MYOM2: variants seen among roughly 807,000 people sequenced by gnomAD.
MYOM2 encodes the protein myomesin-2.
Under a neutral mutation model 187.6 loss-of-function variants are expected in MYOM2, and 254 were observed. The ratio of observed to expected loss-of-function variants is 1.35; its 90% confidence interval spans 1.22 to 1.50. MYOM2 has a LOEUF of 1.50. MYOM2 is among the 40% of genes most tolerant of loss of function. The pLI, the probability that MYOM2 is intolerant of heterozygous loss-of-function variation, is 0.00. For synonymous variants in MYOM2, 981 were observed against 753.8 expected (o/e 1.30, Z -4.94); for missense variants, 2,796 against 1,924.0 (o/e 1.45, Z -8.48).
chr8:2,087,898 AC>A (rs1796151249), intron 14 of MYOM2, among the ~76,000 whole-genome samples: 1 of 152,092 alleles, frequency 6.6e-6, no homozygotes, highest in Non-Finnish European at 1.5e-5. Flanking sequence ...GGGATTACAG[AC>A]ACTTTAGTGT....
In MYOM2 at chr8:2,094,061, T is replaced by A; in HGVS notation, c.2095T>A (p.Ser699Thr). 1 of 1,614,134 alleles carries A rather than the reference T, an allele frequency of 6.2e-7. No homozygotes were observed. Among genetic ancestry groups the A allele is most frequent in the Non-Finnish European group, 8.5e-7 (1 of 1,180,030 alleles). ...GGGGATGAGTGAAAATTCCCAGGAA[T>A]CAGACGTCATAAAAGTGCAGGCCGC... ...AVGMSENSQE[S>T]DVIKVQAALT... is the part of the protein sequence containing the mutation. Residue 699 changes from serine (S) to threonine (T), a missense_variant, in exon 17 of 37, where the codon TCA becomes ACA. By Grantham distance (58) the Ser-to-Thr change is moderately conservative. Coordinates refer to ENST00000262113, the MANE Select transcript of MYOM2 (RefSeq NM_003970.4).
intron 14 of MYOM2, among the ~76,000 whole-genome samples, chr8:2,086,163 T>C (rs1332076185): frequency 6.2e-3 from 30 of 4,844 alleles, no homozygotes; most frequent in Admixed American, 9.1e-3. Context: ...CCCCCACTGT[T>C]GTGATCTCTG....
At chr8:2,069,552 A>G (rs755710933) in intron 8 of MYOM2, 55 bp downstream of exon 8, 43 of 1,595,826 alleles carry the variant, frequency 2.7e-5, no homozygotes, top group Non-Finnish European at 3.7e-5. Flanking sequence ...GACATAGCAG[A>G]CAATTTGAAA....
chr8:2,122,912 TC>T (rs1053870172), intron 28 of MYOM2, among the ~76,000 whole-genome samples: 21 of 152,190 alleles, frequency 1.4e-4, no homozygotes, highest in African/African-American at 5.1e-4. Context: ...TATTCAGAAA[TC>T]CCCATATATA....
chr8:2,101,064 G>C lies in MYOM2; in HGVS notation c.2619+10G>C, dbSNP rs768945548. 2.2e-5 allele frequency: 36 copies of C among 1,613,216 alleles called. No individual in the cohort carries two copies. Among genetic ancestry groups the C allele is most frequent in the Non-Finnish European group, 2.9e-5 (34 of 1,179,618 alleles). ...CAGCCGTTATTTAAAGGTAAGTCTT[G>C]GCCGGCTGTGGTGGCTCATGCCTGT... On this transcript the variant is annotated intron_variant, in intron 20 of 36. Coordinates refer to ENST00000262113, the MANE Select transcript of MYOM2 (RefSeq NM_003970.4).
In MYOM2 at chr8:2,108,804, C is replaced by CA; in HGVS notation, c.3018dup (p.Leu1007IlefsTer4). 1 of 1,613,760 alleles carries CA rather than the reference C, an allele frequency of 6.2e-7. No individual in the cohort carries two copies. Among genetic ancestry groups the CA allele is most frequent in the Non-Finnish European group, 8.5e-7 (1 of 1,179,904 alleles). On this transcript the variant is annotated frameshift_variant, in exon 24 of 37. Coordinates refer to ENST00000262113, the MANE Select transcript of MYOM2 (RefSeq NM_003970.4). LOFTEE classifies it high-confidence loss of function. The stretch of plus-strand genomic sequence containing the variant: ...GTTTTAGAGCTCGAGCGTTTGATGG[C>CA]ATTGAGCAATGAAATAAAGAACCCC...
intron 19 of MYOM2, 89 bp from the exon 20 acceptor site, chr8:2,100,787 A>C: frequency 3.1e-6 from 4 of 1,307,092 alleles, no homozygotes; most frequent in Non-Finnish European, 4.3e-6. Context: ...GGCTTCCCAG[A>C]GGAGCAGTGG....
At chr8:2,120,698 T>TATATATATA (rs1797420328) in intron 28 of MYOM2, among the ~76,000 whole-genome samples, 6 of 116,558 alleles carry the variant, frequency 5.1e-5, no homozygotes, top group African/African-American at 2.0e-4. Context: ...AAATATATAA[T>TATATATATA]ATATATATTT....
chr8:2,047,282 G>A (rs1818340418), intron 1 of MYOM2, among the ~76,000 whole-genome samples: 1 of 152,162 alleles, frequency 6.6e-6, no homozygotes, highest in Admixed American at 6.5e-5. Flanking sequence ...ACCCGGCCAG[G>A]AGGTGGTGGC....
chr8:2,059,113 A>C, intron 5 of MYOM2, 40 bp from the exon 6 acceptor site: 1 of 1,573,944 alleles, frequency 6.4e-7, no homozygotes, highest in South Asian at 1.1e-5. Context: ...CACAAAATAC[A>C]ACTCTGCCTT....
At chr8:2,079,713 G>T in intron 13 of MYOM2, 100 bp downstream of exon 13, 4 of 1,265,476 alleles carry the variant, frequency 3.2e-6, no homozygotes, top group Non-Finnish European at 3.5e-6. Context: ...TACTGGGCAC[G>T]GCCTCTGCAT....
rs74343985 is a variant in MYOM2 at position 2,057,237 on chromosome 8, C to T, written c.264-111C>T. ...GCATTTCTCCTGTTCTCTTCTTGAA[C>T]GCACTTAAGGAAACCCTAGGGAGAG... On this transcript the variant is annotated intron_variant, in intron 3 of 36. Transcript: ENST00000262113. 6,195 of 1,251,194 alleles carry T rather than the reference C, an allele frequency of 5.0e-3. 361 individuals carry two copies. The East Asian group carries it at 0.12, about 25-fold the overall frequency. The allele number at this position is 1,251,194 out of a possible 1,614,324, so 77.5% of individuals were successfully genotyped here.
intron 20 of MYOM2, chr8:2,102,079 C>G (rs1158790185): frequency 6.6e-6 from 1 of 152,334 alleles, no homozygotes; most frequent in African/African-American, 2.4e-5. Flanking sequence ...GGTCCGGCAC[C>G]TGAGCACAGG....
intron 23 of MYOM2, among the ~76,000 whole-genome samples, chr8:2,106,965 G>A (rs189295317): frequency 3.9e-5 from 6 of 152,212 alleles, no homozygotes; most frequent in Admixed American, 3.3e-4. Flanking sequence ...TTCCAACACT[G>A]AGAAATCAGA....
intron 31 of MYOM2, among the ~76,000 whole-genome samples, chr8:2,124,987 T>A (rs746204946): frequency 1.3e-5 from 2 of 152,186 alleles, no homozygotes; most frequent in Non-Finnish European, 2.9e-5. Context: ...TGAATATTAG[T>A]CCCTTAGCCA....
chr8:2,087,920 C>T (rs559705018), intron 14 of MYOM2, among the ~76,000 whole-genome samples: 2 of 152,258 alleles, frequency 1.3e-5, no homozygotes, highest in South Asian at 2.1e-4. Flanking sequence ...GTTTACAGGC[C>T]AGGCAAGCCA....
chr8:2,085,726 C>T (rs1245941143), intron 14 of MYOM2, among the ~76,000 whole-genome samples: 1 of 8,098 alleles, frequency 1.2e-4, no homozygotes, highest in Non-Finnish European at 2.2e-4. Context: ...CTTTGTGGCC[C>T]CCCACTGTTG....
At chr8:2,092,659 C>G in intron 16 of MYOM2, 139 bp downstream of exon 16, 1 of 849,866 alleles carries the variant, frequency 1.2e-6, no homozygotes, top group Non-Finnish European at 1.7e-6. Context: ...CACACAAGGG[C>G]TGTATAATTT....
At chr8:2,136,649 A>G (rs116225526) in intron 32 of MYOM2, among the ~76,000 whole-genome samples, 19,813 of 152,120 alleles carry the variant, frequency 0.13, 2,180 homozygotes, top group African/African-American at 0.28. Flanking sequence ...CCTTATCTCC[A>G]CTGCTGCCCA....
Sources: gnomAD v4.1 joint callset for allele counts (sites outside exome capture counted in the v4.1 genomes callset) on GRCh38, gnomAD v4.1.1 for gene constraint, MANE v1.5 for transcripts, NCBI Gene and HGNC (gene_info 2026-07-23, HGNC 2026-07-21) for gene names.